The following SCAPER variants were observed in gnomAD, a reference collection of about 807,000 sequenced individuals.
SCAPER encodes S phase cyclin A-associated protein in the endoplasmic reticulum.
Under a neutral mutation model 182.2 loss-of-function variants are expected in SCAPER, and 98 were observed. That is an observed-to-expected ratio of 0.54 (90% CI 0.46 to 0.64). SCAPER has a LOEUF of 0.64. SCAPER is among the 30% of genes least tolerant of loss of function. SCAPER has a pLI of 0.00. For missense variants in SCAPER, 1,432 were observed against 1,690.0 expected, an observed-to-expected ratio of 0.85 and a Z score of 2.68; for synonymous variants, 605 against 564.6, an observed-to-expected ratio of 1.07 and a Z score of -1.01.
chr15:76,481,397 C>G (rs1236436636), intron 24 of SCAPER, among the ~76,000 whole-genome samples: 1 of 152,116 alleles, frequency 6.6e-6, no homozygotes, highest in African/African-American at 2.4e-5. Context: ...CATTTAACTA[C>G]TGTTTATTGG....
At chr15:76,640,511 A>G (rs1158832054) in intron 21 of SCAPER, among the ~76,000 whole-genome samples, 1 of 152,230 alleles carries the variant, frequency 6.6e-6, no homozygotes, top group Non-Finnish European at 1.5e-5. Flanking sequence ...TTTAGATGGT[A>G]TCTCTAAGGG....
intron 20 of SCAPER, among the ~76,000 whole-genome samples, chr15:76,669,886 ATT>A (rs1239466004): frequency 5.9e-5 from 9 of 152,222 alleles, no homozygotes; most frequent in Admixed American, 6.5e-5. Flanking sequence ...AAATTATACA[ATT>A]TTCAGTTGTA....
At chr15:76,353,857 G>A in intron 30 of SCAPER, 92 bp downstream of exon 30, 1 of 1,134,904 alleles carries the variant, frequency 8.8e-7, no homozygotes, top group Non-Finnish European at 1.2e-6. Context: ...AGGTAGTATG[G>A]AAGGCAAAAA....
chr15:76,820,466 A>G (rs1477907432), intron 5 of SCAPER, among the ~76,000 whole-genome samples: 3 of 152,134 alleles, frequency 2.0e-5, no homozygotes, highest in African/African-American at 7.2e-5. Context: ...GGAAACCATC[A>G]TTCTCAGCAA....
chr15:76,608,365 C>T (rs550198120), intron 22 of SCAPER, among the ~76,000 whole-genome samples: 3 of 152,276 alleles, frequency 2.0e-5, no homozygotes, highest in South Asian at 4.1e-4. Flanking sequence ...GCTGCCTGAT[C>T]GTTCCTCTGG....
At chr15:76,853,938 T>G (rs945060991) in intron 4 of SCAPER, among the ~76,000 whole-genome samples, 2 of 152,182 alleles carry the variant, frequency 1.3e-5, no homozygotes, top group Middle Eastern at 3.2e-3. Context: ...GCACAAAAGC[T>G]CCTTAGCTGA....
At chr15:76,640,746 C>T (rs4886822) in intron 21 of SCAPER, among the ~76,000 whole-genome samples, 57,887 of 152,010 alleles carry the variant, frequency 0.38, 13,071 homozygotes, top group Middle Eastern at 0.52. Context: ...ACTATTGCTA[C>T]GGAATAAAAG....
chr15:76,680,072 T>C (rs1167257887), intron 20 of SCAPER, among the ~76,000 whole-genome samples: 2 of 152,114 alleles, frequency 1.3e-5, no homozygotes, highest in African/African-American at 4.8e-5. Context: ...AGTAATACCA[T>C]ATATCACAAA....
chr15:76,804,608 T>C lies in SCAPER; in HGVS notation c.419A>G (p.Tyr140Cys), dbSNP rs746935691. Residue 140 changes from tyrosine (Y) to cysteine (C), a missense_variant, in exon 6 of 32, where the codon TAT becomes TGT. Tyr to Cys is a radical substitution (Grantham distance 194). Coordinates refer to ENST00000563290, the MANE Select transcript of SCAPER (RefSeq NM_020843.4). ...CKEVLMMLDN[Y>C]VRDFKALIDW... ...AATCAATGCTTTGAAATCTCTTACATAGTTATCCAGCATCATTAGCACCTC... is the reference window on the plus strand; with the variant it reads ...AATCAATGCTTTGAAATCTCTTACACAGTTATCCAGCATCATTAGCACCTC... 214 of 1,609,876 alleles carry C rather than the reference T, an allele frequency of 1.3e-4. No homozygotes were observed. Among genetic ancestry groups the C allele is most frequent in the Non-Finnish European group, 1.8e-4 (208 of 1,178,846 alleles).
At chr15:76,422,686 C>A (rs2046129253) in intron 26 of SCAPER, among the ~76,000 whole-genome samples, 1 of 152,160 alleles carries the variant, frequency 6.6e-6, no homozygotes, top group Non-Finnish European at 1.5e-5. Context: ...GGGGGCATCC[C>A]TGTCTTGTGC....
chr15:76,654,081 G>T (rs2146589309), intron 21 of SCAPER, among the ~76,000 whole-genome samples: 1 of 152,186 alleles, frequency 6.6e-6, no homozygotes, highest in South Asian at 2.1e-4. Context: ...TATATAAGTG[G>T]CCAAGAAACA....
At chr15:76,828,953 G>A (rs562510797) in intron 5 of SCAPER, among the ~76,000 whole-genome samples, 9 of 152,284 alleles carry the variant, frequency 5.9e-5, no homozygotes, top group African/African-American at 2.2e-4. Flanking sequence ...CCACTACTGG[G>A]TATTTACCCA....
At position 76,434,238 on chromosome 15, in the gene SCAPER, T is replaced by G; in HGVS notation, c.3151A>C (p.Thr1051Pro). The G allele has an allele frequency of 6.2e-7, 1 of 1,613,932 alleles. No homozygotes were observed. The highest frequency in any genetic ancestry group is 8.5e-7 in the Non-Finnish European group (1 of 1,179,854). Reference sequence around the variant, plus strand: ...ACAGCACTGACTTTGAGAAGTCCAGTTGTCAAGCCTTCAAAAACTTGTTTA... The same window carrying G: ...ACAGCACTGACTTTGAGAAGTCCAGGTGTCAAGCCTTCAAAAACTTGTTTA... ...TNKQVFEGLT[T>P]GLLKVSAVVL... Residue 1051 changes from threonine (T) to proline (P), a missense_variant, in exon 26 of 32, where the codon ACT (threonine) becomes CCT (proline). Thr to Pro is a conservative substitution (Grantham distance 38). Coordinates refer to ENST00000563290, the MANE Select transcript of SCAPER (RefSeq NM_020843.4).
chr15:76,736,691 G>C, intron 15 of SCAPER: 1 of 154,234 alleles, frequency 6.5e-6, no homozygotes. Context: ...TGATCGCCAG[G>C]GTTGATTCAG....
intron 21 of SCAPER, among the ~76,000 whole-genome samples, chr15:76,661,518 G>C (rs2056166006): frequency 6.6e-6 from 1 of 152,046 alleles, no homozygotes; most frequent in African/African-American, 2.4e-5. Context: ...AGTGGGCCAA[G>C]GACATGAACA....
chr15:76,838,875 A>G (rs751999248), intron 5 of SCAPER, among the ~76,000 whole-genome samples: 1 of 151,824 alleles, frequency 6.6e-6, no homozygotes, highest in Admixed American at 6.6e-5. Flanking sequence ...TTCACAACCA[A>G]CTCTTTCAAC....
intron 15 of SCAPER, among the ~76,000 whole-genome samples, chr15:76,743,010 C>T (rs2061626925): frequency 6.6e-6 from 1 of 152,012 alleles, no homozygotes; most frequent in African/African-American, 2.4e-5. Flanking sequence ...TGCTTCACAA[C>T]ATGCATAATC....
intron 26 of SCAPER, among the ~76,000 whole-genome samples, chr15:76,417,211 G>C (rs2045712363): frequency 7.7e-6 from 1 of 129,040 alleles, no homozygotes; most frequent in African/African-American, 2.6e-5. Flanking sequence ...AAGATAGTCT[G>C]TGTGTGTTAA....
chr15:76,494,433 C>A (rs1365859445), intron 24 of SCAPER, among the ~76,000 whole-genome samples: 3 of 152,132 alleles, frequency 2.0e-5, no homozygotes, highest in Non-Finnish European at 4.4e-5. Flanking sequence ...ATTTCCTATA[C>A]CCACATCAAT....
Sources: gnomAD v4.1 joint callset for allele counts (sites outside exome capture counted in the v4.1 genomes callset) on GRCh38, gnomAD v4.1.1 for gene constraint, MANE v1.5 for transcripts, NCBI Gene and HGNC (gene_info 2026-07-23, HGNC 2026-07-21) for gene names.